TSHZ2: variants seen among roughly 807,000 people sequenced by gnomAD.
The protein encoded by TSHZ2 is teashirt zinc finger homeobox 2.
In TSHZ2, 21 loss-of-function variants were observed where a neutral mutation model predicts 74.4. That is an observed-to-expected ratio of 0.28 (90% confidence interval 0.20 to 0.41). The LOEUF (loss-of-function observed/expected upper bound fraction) is 0.41. Ranked by LOEUF, TSHZ2 falls within the 10% of genes least tolerant of loss-of-function variation. The pLI is 1.00. For missense variants in TSHZ2, 1,244 were observed against 1,293.5 expected (o/e 0.96, Z 0.59); for synonymous variants, 540 against 515.3 (o/e 1.05, Z -0.65).
At chr20:53,259,962 C>T (rs1990568116) in intron 2 of TSHZ2, among the ~76,000 whole-genome samples, 1 of 152,126 alleles carries the variant, frequency 6.6e-6, no homozygotes, top group African/African-American at 2.4e-5. Flanking sequence ...ATGGCATCAA[C>T]CATTCCTTCC....
chr20:53,449,343 A>C (rs1225968016), intron 2 of TSHZ2, among the ~76,000 whole-genome samples: 1 of 152,232 alleles, frequency 6.6e-6, no homozygotes, highest in Non-Finnish European at 1.5e-5. Flanking sequence ...CAGCATAGTG[A>C]ATAGCAAGTA....
chr20:52,981,264 C>CTCTAGAGATT lies in TSHZ2; in HGVS notation c.40+7931_40+7932insTCTAGAGATT, dbSNP rs1336000369. 9.2e-5 allele frequency among the ~76,000 whole-genome samples: 14 copies of CTCTAGAGATT among 152,304 alleles called. 1 individual carries two copies. The highest frequency in any genetic ancestry group is 3.4e-4 in the African/African-American group (14 of 41,558). The stretch of plus-strand genomic sequence containing the variant: ...GCCCCGGGCAAGCTCTAGAGATAAA[C>CTCTAGAGATT]CTTACTCTCCGGGTAAGAATGTGAG... On this transcript the variant is annotated intron_variant, in intron 1 of 2. Transcript: ENST00000371497.
At chr20:53,135,220 C>G (rs1221095062) in intron 1 of TSHZ2, among the ~76,000 whole-genome samples, 7 of 152,176 alleles carry the variant, frequency 4.6e-5, no homozygotes, top group African/African-American at 1.7e-4. Context: ...ATGTATAGAT[C>G]TGTGTTATGA....
At chr20:53,138,881 G>C (rs994283992) in intron 1 of TSHZ2, among the ~76,000 whole-genome samples, 22 of 152,238 alleles carry the variant, frequency 1.4e-4, no homozygotes, top group African/African-American at 5.1e-4. Flanking sequence ...ATGGTGCACA[G>C]AGAAGGGCTC....
chr20:53,268,358 A>G (rs1483305714), intron 2 of TSHZ2, among the ~76,000 whole-genome samples: 2 of 152,138 alleles, frequency 1.3e-5, no homozygotes, highest in Non-Finnish European at 2.9e-5. Flanking sequence ...AGAAATTCAG[A>G]TGTTCTGAAC....
chr20:53,116,767 T>A (rs1986679041), intron 1 of TSHZ2, among the ~76,000 whole-genome samples: 1 of 152,220 alleles, frequency 6.6e-6, no homozygotes, highest in Non-Finnish European at 1.5e-5. Flanking sequence ...TTGTTTTGAA[T>A]GGCATTTTTT....
intron 2 of TSHZ2, among the ~76,000 whole-genome samples, chr20:53,363,025 G>A (rs1568885574): frequency 6.6e-6 from 1 of 152,154 alleles, no homozygotes; most frequent in African/African-American, 2.4e-5. Flanking sequence ...AGGATTTAAC[G>A]AATGCCCCAG....
chr20:53,062,848 T>A (rs1984865065), intron 1 of TSHZ2, among the ~76,000 whole-genome samples: 1 of 152,218 alleles, frequency 6.6e-6, no homozygotes, highest in Admixed American at 6.5e-5. Context: ...GCTTTCAACA[T>A]GGCCTTCCCA....
chr20:53,445,429 G>A (rs1179491902), intron 2 of TSHZ2, among the ~76,000 whole-genome samples: 1 of 152,154 alleles, frequency 6.6e-6, no homozygotes, highest in Non-Finnish European at 1.5e-5. Flanking sequence ...CCATGTGAGT[G>A]ATAAGCAATG....
chr20:53,114,241 A>G (rs910551747), intron 1 of TSHZ2, among the ~76,000 whole-genome samples: 28 of 152,130 alleles, frequency 1.8e-4, no homozygotes, highest in Non-Finnish European at 2.9e-5. Flanking sequence ...ATTTACTTAT[A>G]TGTGTTTCAT....
At chr20:53,172,543 C>T (rs1307140011) in intron 1 of TSHZ2, among the ~76,000 whole-genome samples, 2 of 152,168 alleles carry the variant, frequency 1.3e-5, no homozygotes, top group African/African-American at 4.8e-5. Context: ...AGACTTACAA[C>T]GTTCAACAAA....
chr20:53,206,075 C>T (rs1458285030), intron 1 of TSHZ2, among the ~76,000 whole-genome samples: 1 of 152,028 alleles, frequency 6.6e-6, no homozygotes, highest in Non-Finnish European at 1.5e-5. Context: ...AAAAATTAGC[C>T]AGGTGTGGTG....
intron 1 of TSHZ2, among the ~76,000 whole-genome samples, chr20:53,093,095 T>TA (rs1393418909): frequency 6.6e-6 from 1 of 152,236 alleles, no homozygotes; most frequent in African/African-American, 2.4e-5. Flanking sequence ...CTCTGATACT[T>TA]ACCAGCTGTG....
chr20:53,002,437 A>G (rs1341012308), intron 1 of TSHZ2, among the ~76,000 whole-genome samples: 2 of 152,254 alleles, frequency 1.3e-5, no homozygotes, highest in East Asian at 3.9e-4. Flanking sequence ...TCTTCCTAAC[A>G]AATAAGCTGG....
intron 2 of TSHZ2, among the ~76,000 whole-genome samples, chr20:53,335,824 G>A (rs1025907106): frequency 3.8e-5 from 4 of 104,490 alleles, no homozygotes; most frequent in African/African-American, 2.2e-4. Flanking sequence ...CTGCCAGGCG[G>A]CAAAATCTTA....
At chr20:53,214,213 C>T (rs899505054) in intron 1 of TSHZ2, among the ~76,000 whole-genome samples, 9 of 152,062 alleles carry the variant, frequency 5.9e-5, no homozygotes, top group African/African-American at 1.9e-4. Context: ...TAACAATGAG[C>T]AAAACATACA....
At chr20:53,225,925 TCTA>T (rs536043621) in intron 1 of TSHZ2, among the ~76,000 whole-genome samples, 67 of 152,354 alleles carry the variant, frequency 4.4e-4, no homozygotes, top group Middle Eastern at 3.4e-3. Context: ...AGTGAAAAAT[TCTA>T]CTATGGATGT....
chr20:53,202,449 A>G (rs1989032523), intron 1 of TSHZ2, among the ~76,000 whole-genome samples: 1 of 152,176 alleles, frequency 6.6e-6, no homozygotes, highest in African/African-American at 2.4e-5. Context: ...GATACTTACT[A>G]GTAATAATTT....
intron 2 of TSHZ2, among the ~76,000 whole-genome samples, chr20:53,391,250 C>T (rs894324148): frequency 1.4e-4 from 22 of 152,190 alleles, no homozygotes; most frequent in Admixed American, 3.9e-4. Flanking sequence ...GGGTTCACAC[C>T]ATTCTCCTGC....
Sources: allele counts gnomAD v4.1 joint callset (sites outside exome capture counted in the v4.1 genomes callset), GRCh38; gene constraint gnomAD v4.1.1; transcripts MANE v1.5; gene names NCBI Gene and HGNC (gene_info 2026-07-23, HGNC 2026-07-21).